Variants in MCF2L observed in about 807,000 individuals in gnomAD.
MCF2L encodes the protein guanine nucleotide exchange factor DBS.
In MCF2L, 97 loss-of-function variants were observed where a neutral mutation model predicts 153.4. That is an observed-to-expected ratio of 0.63 (90% CI 0.54 to 0.75). The LOEUF is 0.75. MCF2L is among the 30% of genes least tolerant of loss of function. The pLI is 0.00. For missense variants in MCF2L, 1,347 were observed against 1,495.2 expected, an observed-to-expected ratio of 0.90 and a Z score of 1.64; for synonymous variants, 659 against 632.2, an observed-to-expected ratio of 1.04 and a Z score of -0.64.
rs184555465 is a variant in MCF2L, at chr13:113,089,754, C to T, written c.2953+26C>T. 9 of 1,603,698 alleles carry T rather than the reference C, an allele frequency of 5.6e-6. No individual in the cohort carries two copies. The Admixed American group carries it at 6.7e-5, about 12-fold the overall frequency. ...GTGGGTATGTGCAGGGACCGGGCCT[C>T]ACACGGAGGCCTCACACGGAGCTGC... On this transcript the variant is annotated intron_variant, in intron 26 of 29. Transcript: ENST00000535094.
rs775493285 is a variant in MCF2L, at chr13:112,983,288, G to T, written c.79+13830G>T. 3.3e-5 allele frequency among the ~76,000 whole-genome samples: 5 copies of T among 150,534 alleles called. No individual in the cohort carries two copies. Among genetic ancestry groups the T allele is most frequent in the Non-Finnish European group, 7.5e-5 (5 of 67,014 alleles). On this transcript the variant is annotated intron_variant, in intron 1 of 29. Coordinates refer to ENST00000535094, the MANE Select transcript of MCF2L (RefSeq NM_001112732.3). This position sits in a 1 kb window ranked among gnomAD's most constrained non-coding sequence, Gnocchi z 4.0. Reference sequence around the variant, plus strand: ...GATTTTTCACCAGAAACTCCTAGAAGTTAGTTCTGTGTCGTGAGAATAAAA... The same window carrying T: ...GATTTTTCACCAGAAACTCCTAGAATTTAGTTCTGTGTCGTGAGAATAAAA...
intron 2 of MCF2L, among the ~76,000 whole-genome samples, chr13:112,933,055 T>TAAAC (rs1236554231): frequency 6.6e-6 from 1 of 151,416 alleles, no homozygotes. Context: ...AATAAATAAA[T>TAAAC]AAACATGAAG....
At position 113,097,305 on chromosome 13, in the gene MCF2L, C is replaced by T. The variant is rs1595056410; in HGVS notation, c.*446C>T. On this transcript the variant is annotated 3_prime_UTR_variant, in exon 30 of 30. Coordinates refer to ENST00000535094, the MANE Select transcript of MCF2L (RefSeq NM_001112732.3). ...GATTTTTTCAAGCAGGGATCAATCCCGTGGCCATTTTTTGTGGTACTTTGG... is the reference window on the plus strand; with the variant it reads ...GATTTTTTCAAGCAGGGATCAATCCTGTGGCCATTTTTTGTGGTACTTTGG... 2 of 158,824 alleles carry T rather than the reference C, an allele frequency of 1.3e-5. No homozygotes were observed. The highest frequency in any genetic ancestry group is 4.1e-4 in the South Asian group (2 of 4,906). The allele number at this position is 158,824 out of a possible 1,614,324, so 9.8% of individuals were successfully genotyped here.
chr13:112,998,792 G>A (rs948153742), intron 1 of MCF2L, among the ~76,000 whole-genome samples: 5 of 152,138 alleles, frequency 3.3e-5, no homozygotes, highest in African/African-American at 7.2e-5. Flanking sequence ...TTTATGAATC[G>A]GAAACTGGAC....
intron 2 of MCF2L, among the ~76,000 whole-genome samples, chr13:112,945,001 A>ATTTTTT (rs10690779): frequency 5.0e-5 from 7 of 139,358 alleles, no homozygotes; most frequent in African/African-American, 1.1e-4. Flanking sequence ...AGGCACCACT[A>ATTTTTT]TTTTTTTTTT....
chr13:113,000,025 T>G (rs12856361), intron 1 of MCF2L, among the ~76,000 whole-genome samples: 2 of 151,130 alleles, frequency 1.3e-5, no homozygotes, highest in South Asian at 4.2e-4. Context: ...GGCCCCAGAG[T>G]GGAGGCAGGG....
At chr13:112,940,847 TA>T (rs2081568704) in intron 2 of MCF2L, among the ~76,000 whole-genome samples, 1 of 152,336 alleles carries the variant, frequency 6.6e-6, no homozygotes, top group East Asian at 1.9e-4. Flanking sequence ...GCTTGCTCTG[TA>T]GTTACTTAGC....
intron 24 of MCF2L, 30 bp downstream of exon 24, chr13:113,088,435 G>C: frequency 6.2e-7 from 1 of 1,612,278 alleles, no homozygotes; most frequent in Middle Eastern, 1.7e-4. Flanking sequence ...ATCGTTTCCC[G>C]TAGCTTCCGC....
Position 113,096,383 on chromosome 13 carries a change from T to C in MCF2L, c.3088T>C (p.Tyr1030His). Residue 1030 changes from tyrosine to histidine, a missense_variant, in exon 28 of 30, where the codon TAC (tyrosine) becomes CAC (histidine). Physicochemically the swap from Tyr to His is moderately conservative, Grantham distance 83 (BLOSUM62 2). This residue lies in a region of MCF2L where 383 missense variants were observed against 335.4 expected (regional missense o/e 1.14). Transcript: ENST00000535094. Reference protein sequence around the residue: ...LGPKKLVPGKYTVVADHEKGG... With the variant: ...LGPKKLVPGKHTVVADHEKGG... ...CGTCTCCCACCAGGTTCCAGGTAAATACACGGTCGTGGCGGACCACGAGAA... is the reference window on the plus strand; with the variant it reads ...CGTCTCCCACCAGGTTCCAGGTAAACACACGGTCGTGGCGGACCACGAGAA... 1 of 1,581,618 alleles carries C rather than the reference T, an allele frequency of 6.3e-7. No individual in the cohort carries two copies. The highest frequency in any genetic ancestry group is 8.6e-7 in the Non-Finnish European group (1 of 1,164,992).
At chr13:113,036,834 T>C (rs1380435817) in intron 3 of MCF2L, among the ~76,000 whole-genome samples, 5 of 152,256 alleles carry the variant, frequency 3.3e-5, no homozygotes, top group Admixed American at 3.3e-4. Context: ...GTGTTATTCC[T>C]ATCCAGTCCA....
At chr13:113,001,647 T>C in intron 1 of MCF2L, 2 of 1,301,128 alleles carry the variant, frequency 1.5e-6, no homozygotes, top group Non-Finnish European at 1.9e-6. Flanking sequence ...GGGGCTCAGC[T>C]GTCGCCAGGA....
intron 1 of MCF2L, chr13:113,001,612 C>T (rs770745214): frequency 7.0e-5 from 80 of 1,141,572 alleles, no homozygotes; most frequent in Non-Finnish European, 8.7e-5. Flanking sequence ...ACAAGCAACA[C>T]CAGGAACCTG....
In MCF2L at chr13:112,983,840, C is replaced by T. The variant is rs573649905; in HGVS notation, c.79+14382C>T. On this transcript the variant is annotated intron_variant, in intron 1 of 29. Transcript: ENST00000535094. This position sits in a 1 kb window ranked among gnomAD's most constrained non-coding sequence, Gnocchi z 4.0. Reference sequence around the variant, plus strand: ...CTGCATCTCTGTGGACAGACCTCTCCCCGTGCTGCAGCTGTTTTCCTTGGG... The same window carrying T: ...CTGCATCTCTGTGGACAGACCTCTCTCCGTGCTGCAGCTGTTTTCCTTGGG... 3.2e-4 allele frequency among the ~76,000 whole-genome samples: 48 copies of T among 152,330 alleles called. No homozygotes were observed. In the East Asian group the frequency reaches 5.4e-3, roughly 17 times the overall value.
In MCF2L at chr13:113,070,273, A is replaced by C. The variant is rs1385531612; in HGVS notation, c.996+100A>C. ...TGCCGGGAGCTGAGCCGTGCCACCCAGTTGACTTTGGCTTAATGCAGAAAA... is the reference window on the plus strand; with the variant it reads ...TGCCGGGAGCTGAGCCGTGCCACCCCGTTGACTTTGGCTTAATGCAGAAAA... On this transcript the variant is annotated intron_variant, in intron 9 of 29. Transcript: ENST00000535094. The surrounding 1 kb of genome is among the most constrained non-coding windows in gnomAD (Gnocchi z 5.6). 1 of 743,088 alleles carries C rather than the reference A, an allele frequency of 1.3e-6. No individual in the cohort carries two copies. Among genetic ancestry groups the C allele is most frequent in the Non-Finnish European group, 2.0e-6 (1 of 494,442 alleles). The allele number at this position is 743,088 out of a possible 1,614,324, so 46.0% of individuals were successfully genotyped here. A position where few individuals can be genotyped will look rare whatever the true frequency, so the allele number is the denominator to read the frequency against.
At chr13:113,044,636 C>T (rs753352492) in intron 3 of MCF2L, 25 of 1,605,882 alleles carry the variant, frequency 1.6e-5, no homozygotes, top group Middle Eastern at 1.7e-4. Flanking sequence ...GCTCTCCGCA[C>T]CGACTCTGTG....
chr13:113,061,657 T>A (rs1427904625), intron 5 of MCF2L, among the ~76,000 whole-genome samples: 3 of 135,362 alleles, frequency 2.2e-5, no homozygotes, highest in Admixed American at 7.9e-5. Context: ...GAAAACGGCC[T>A]GGGGCCTTTC....
intron 2 of MCF2L, among the ~76,000 whole-genome samples, chr13:113,015,412 C>A (rs1050776232): frequency 6.6e-6 from 1 of 152,250 alleles, no homozygotes; most frequent in Admixed American, 6.5e-5. Context: ...ACACCATGCA[C>A]ATGCATGCCC....
chr13:112,919,977 A>T (rs1243013833), intron 2 of MCF2L, among the ~76,000 whole-genome samples: 3 of 152,162 alleles, frequency 2.0e-5, no homozygotes, highest in Non-Finnish European at 4.4e-5. Flanking sequence ...TATGGTAGCG[A>T]GGCACCCCTC....
chr13:113,050,754 CGGGGGGCGGTGGCGGGGGGA>C (rs1305962569), intron 4 of MCF2L, among the ~76,000 whole-genome samples: 1 of 2,878 alleles, frequency 3.5e-4, no homozygotes, highest in Non-Finnish European at 8.5e-4. Flanking sequence ...CGGGGGGGTG[CGGGGGGCGGTGGCGGGGGGA>C]GGGGGGCGGC....
Sources: gnomAD v4.1 joint callset for allele counts (sites outside exome capture counted in the v4.1 genomes callset) on GRCh38, gnomAD v4.1.1 for gene constraint, gnomAD v4.1.1 regional missense constraint, Gnocchi (gnomAD v3.1) non-coding constraint, MANE v1.5 for transcripts, NCBI Gene and HGNC (gene_info 2026-07-23, HGNC 2026-07-21) for gene names.